ANO1: variants seen among roughly 807,000 people sequenced by gnomAD.
The protein encoded by ANO1 is anoctamin 1, also known as anoctamin-1.
ANO1 carries 59 observed loss-of-function variants against 124.0 expected under a neutral mutation model. The ratio of observed to expected loss-of-function variants is 0.48; its 90% CI spans 0.39 to 0.59. ANO1 has a LOEUF of 0.59. Among genes scored for constraint, ANO1 ranks in the 20% least tolerant of loss-of-function variants. The pLI is 0.00. For synonymous variants in ANO1, 529 were observed against 532.0 expected (o/e 0.99, Z 0.08); for missense variants, 1,059 against 1,328.0 (o/e 0.80, Z 3.15).
At chr11:69,978,397 C>A in the ANO1 span, among the ~76,000 whole-genome samples, 1 of 152,174 alleles carries the variant, frequency 6.6e-6, no homozygotes, top group Non-Finnish European at 1.5e-5. Flanking sequence ...GTAGTGCAGG[C>A]TGGAGTGCAG....
intron 2 of ANO1, among the ~76,000 whole-genome samples, chr11:70,096,105 G>T (rs950830770): frequency 1.3e-5 from 2 of 152,186 alleles, no homozygotes; most frequent in Non-Finnish European, 2.9e-5. Flanking sequence ...TTGCCCTGGT[G>T]GGGGCGGGTC....
intron 22 of ANO1, among the ~76,000 whole-genome samples, chr11:70,177,280 A>C (rs2135807485): frequency 6.6e-6 from 1 of 152,368 alleles, no homozygotes; most frequent in Middle Eastern, 3.4e-3. Context: ...TCAGCGCCCC[A>C]AGGGCCAGGT....
the ANO1 span, among the ~76,000 whole-genome samples, chr11:69,966,190 C>T: frequency 2.6e-5 from 4 of 152,314 alleles, no homozygotes; most frequent in South Asian, 2.1e-4. Flanking sequence ...CACCTGCAAC[C>T]GTGGCTTTTC....
chr11:70,070,421 C>A (rs57843055), intron 1 of ANO1, among the ~76,000 whole-genome samples: 21,017 of 152,138 alleles, frequency 0.14, 1,627 homozygotes, highest in African/African-American at 0.19. Flanking sequence ...CACAGTGGCT[C>A]ACACTAATCC....
intron 2 of ANO1, among the ~76,000 whole-genome samples, chr11:70,093,251 C>G (rs2044708081): frequency 6.8e-6 from 1 of 147,706 alleles, no homozygotes; most frequent in African/African-American, 2.5e-5. Flanking sequence ...CACTCTACCC[C>G]CTCTCACTTT....
intron 24 of ANO1, 73 bp from the exon 25 acceptor site, chr11:70,185,517 G>T (rs771018316): frequency 6.5e-5 from 93 of 1,425,286 alleles, no homozygotes; most frequent in Non-Finnish European, 8.9e-5. Context: ...GGCGTCCCTC[G>T]AGCTGCCTGA....
the ANO1 span, among the ~76,000 whole-genome samples, chr11:69,973,978 A>G: frequency 2.0e-5 from 3 of 152,200 alleles, no homozygotes; most frequent in Non-Finnish European, 4.4e-5. Flanking sequence ...GTTCACAGGA[A>G]AAAATGAGGC....
At chr11:70,177,511 C>T (rs570886641) in intron 22 of ANO1, among the ~76,000 whole-genome samples, 16 of 152,238 alleles carry the variant, frequency 1.1e-4, no homozygotes, top group African/African-American at 3.6e-4. Flanking sequence ...CCCCGGGCAC[C>T]ACAGCCAGCT....
intron 1 of ANO1, among the ~76,000 whole-genome samples, chr11:70,004,502 A>G (rs1390006643): frequency 1.3e-5 from 2 of 152,158 alleles, no homozygotes; most frequent in African/African-American, 4.8e-5. Context: ...GATGTGGTGG[A>G]GCCAGTGCTC....
chr11:69,976,532 AAAAAAAAAAAAAAAAAAAAAAAG>A, the ANO1 span, among the ~76,000 whole-genome samples: 145 of 26,202 alleles, frequency 5.5e-3, 8 homozygotes, highest in African/African-American at 0.011. Flanking sequence ...AAAAAAAAAA[AAAAAAAAAAAAAAAAAAAAAAAG>A]AGAGAGAGAG....
chr11:70,010,022 G>A (rs374336634), intron 1 of ANO1, among the ~76,000 whole-genome samples: 27 of 151,744 alleles, frequency 1.8e-4, no homozygotes, highest in African/African-American at 6.0e-4. Flanking sequence ...AACATACAAT[G>A]TTTGGTTTTC....
At chr11:70,020,316 C>T (rs1016299943) in intron 1 of ANO1, among the ~76,000 whole-genome samples, 3 of 152,200 alleles carry the variant, frequency 2.0e-5, no homozygotes, top group East Asian at 1.9e-4. Flanking sequence ...ATCCTCACCA[C>T]CCACCCTCAT....
At chr11:70,041,610 G>A (rs56172214) in intron 1 of ANO1, among the ~76,000 whole-genome samples, 20,874 of 152,076 alleles carry the variant, frequency 0.14, 1,487 homozygotes, top group African/African-American at 0.16. Context: ...CATAATAGCA[G>A]TAGGTATTCG....
intron 11 of ANO1, among the ~76,000 whole-genome samples, chr11:70,145,943 CAAAAAAAAAAAA>C (rs10589426): frequency 9.2e-6 from 1 of 108,702 alleles, no homozygotes; most frequent in African/African-American, 3.5e-5. Context: ...TCTCAAAAAA[CAAAAAAAAAAAA>C]AAAAAAAAAA....
At chr11:70,165,156 C>A (rs892005797) in intron 19 of ANO1, among the ~76,000 whole-genome samples, 4 of 152,172 alleles carry the variant, frequency 2.6e-5, no homozygotes, top group Non-Finnish European at 5.9e-5. Flanking sequence ...TTACTTGCCT[C>A]TCCACCCTCT....
chr11:70,048,216 T>C lies in ANO1; in HGVS notation c.59-30326T>C, dbSNP rs140238258. 3.3e-3 allele frequency among the ~76,000 whole-genome samples: 507 copies of C among 152,350 alleles called. 4 individuals are homozygous for C. Among genetic ancestry groups the C allele is most frequent in the African/African-American group, 0.012 (480 of 41,578 alleles). ...AACTTTTAGATAAACATTTACCCAA[T>C]GGTTGAACTGGTGGATTTGAATTTT... On this transcript the variant is annotated intron_variant, in intron 1 of 27. Coordinates refer to the ANO1 transcript ENST00000531349.
intron 11 of ANO1, among the ~76,000 whole-genome samples, chr11:70,147,396 G>A (rs2047424433): frequency 6.6e-6 from 1 of 152,190 alleles, no homozygotes. Flanking sequence ...GCCTCCTGAG[G>A]GTCAGGGGCC....
intron 16 of ANO1, among the ~76,000 whole-genome samples, chr11:70,159,288 C>T (rs2047949300): frequency 6.6e-6 from 1 of 152,110 alleles, no homozygotes; most frequent in Non-Finnish European, 1.5e-5. Flanking sequence ...AAGGTGCTTT[C>T]GCAGAAGACC....
chr11:70,136,336 GT>G (rs1218929650), intron 11 of ANO1, among the ~76,000 whole-genome samples: 1 of 152,206 alleles, frequency 6.6e-6, no homozygotes, highest in Non-Finnish European at 1.5e-5. Context: ...CAGTCAAGAG[GT>G]TTAAGTGCAA....
Sources: gnomAD v4.1 joint callset for allele counts (sites outside exome capture counted in the v4.1 genomes callset) on GRCh38, gnomAD v4.1.1 for gene constraint, MANE v1.5 for transcripts, NCBI Gene and HGNC (gene_info 2026-07-23, HGNC 2026-07-21) for gene names.